Variants in GPRIN2 observed in about 807,000 individuals in gnomAD.
GPRIN2 encodes G protein-regulated inducer of neurite outgrowth 2.
A neutral mutation model predicts 0.3 loss-of-function variants in GPRIN2; 1 was observed. The observed-to-expected ratio is 3.90, with a 90% CI of 1.39 to 18.51. The LOEUF (loss-of-function observed/expected upper bound fraction) is 18.51. Among genes scored for constraint, GPRIN2 ranks in the 30% most tolerant of loss-of-function variants. The pLI, the probability that GPRIN2 is intolerant of heterozygous loss-of-function variation, is 0.11. For synonymous variants in GPRIN2, 361 were observed against 258.6 expected (o/e 1.40, Z -3.80); for missense variants, 880 against 604.2 (o/e 1.46, Z -4.79).
Position 46,550,350 on chromosome 10 carries a change from C to G in GPRIN2, c.387G>C (p.Gln129His), listed in dbSNP as rs1832397198. Reference sequence around the variant, plus strand: ...TCCGAGCACCACTGTGTCCCCGCATCTGGGTGCTACGGACCAGGTCTGAAT... The same window carrying G: ...TCCGAGCACCACTGTGTCCCCGCATGTGGGTGCTACGGACCAGGTCTGAAT... ...RSHSDLVRST[Q>H]MRGHSGARKA... The change falls in exon 3 of 3, where the codon CAG becomes CAC. Residue 129 changes from glutamine to histidine, a missense_variant. Gln to His is a conservative substitution (Grantham distance 24). Transcript: ENST00000374314. The G allele has an allele frequency of 9.9e-6, 16 of 1,612,858 alleles. No homozygotes were observed. The highest frequency in any genetic ancestry group is 1.3e-5 in the Non-Finnish European group (15 of 1,179,936).
In GPRIN2 at chr10:46,543,515, C is replaced by G. The variant is rs1208077320; in HGVS notation, c.*5845G>C. ...TGGCTGTGTGCACACAGAGGTGCTGCAGTCCTGGGGCCATGTTCATAGGAT... is the reference window on the plus strand; with the variant it reads ...TGGCTGTGTGCACACAGAGGTGCTGGAGTCCTGGGGCCATGTTCATAGGAT... On this transcript the variant is annotated 3_prime_UTR_variant, in exon 3 of 3. Coordinates refer to ENST00000374314, the MANE Select transcript of GPRIN2 (RefSeq NM_001385282.1). 4.6e-5 allele frequency among the ~76,000 whole-genome samples: 7 copies of G among 152,306 alleles called. No homozygotes were observed. The highest frequency in any genetic ancestry group is 8.8e-5 in the Non-Finnish European group (6 of 68,054).
rs1230908803 is a variant in GPRIN2, at chr10:46,542,273, T to C, written c.*7087A>G. 2.0e-5 allele frequency among the ~76,000 whole-genome samples: 3 copies of C among 152,308 alleles called. No homozygotes were observed. The highest frequency in any genetic ancestry group is 7.2e-5 in the African/African-American group (3 of 41,484). ...TCCAGCCCCAACAGAGGCTCCCTGC[T>C]TGGGCCTTGCTCAGGCCTGGGAGGG... is the stretch of plus-strand genomic sequence containing the variant. On this transcript the variant is annotated 3_prime_UTR_variant, in exon 3 of 3. Coordinates refer to ENST00000374314, the MANE Select transcript of GPRIN2 (RefSeq NM_001385282.1).
In GPRIN2 at chr10:46,545,738, G is replaced by C. The variant is rs1226016528; in HGVS notation, c.*3622C>G. Among the ~76,000 whole-genome samples, 1 of 152,310 alleles carries C rather than the reference G, an allele frequency of 6.6e-6. No homozygotes were observed. Among genetic ancestry groups the C allele is most frequent in the South Asian group, 2.1e-4 (1 of 4,838 alleles). On this transcript the variant is annotated 3_prime_UTR_variant, in exon 3 of 3. Coordinates refer to ENST00000374314, the MANE Select transcript of GPRIN2 (RefSeq NM_001385282.1). ...TGGCCCCTGAATGTGGCTATGAGAG[G>C]GGTGCCCAACACTACCAGCCTGTGT...
Position 46,543,827 on chromosome 10 carries a change from A to G in GPRIN2, c.*5533T>C, listed in dbSNP as rs1555011456. On this transcript the variant is annotated 3_prime_UTR_variant, in exon 3 of 3. Transcript: ENST00000374314. ...TGGGCTATCTCGGGCTTGGAGTGGGAGAAGCCAGGCAGGAGTCCTGGAGAG... is the reference window on the plus strand; with the variant it reads ...TGGGCTATCTCGGGCTTGGAGTGGGGGAAGCCAGGCAGGAGTCCTGGAGAG... Among the ~76,000 whole-genome samples the G allele has an allele frequency of 6.6e-6, 1 of 152,308 alleles. No individual in the cohort carries two copies. The highest frequency in any genetic ancestry group is 2.4e-5 in the African/African-American group (1 of 41,486).
chr10:46,549,240 T>A lies in GPRIN2; in HGVS notation c.*120A>T, dbSNP rs1842430415. ...TCCTGTGGTCTGGAGGCAGCCAATA[T>A]TCAGGTGAGAGATGTGCCCAGCTGC... On this transcript the variant is annotated 3_prime_UTR_variant, in exon 3 of 3. Transcript: ENST00000374314. The A allele has an allele frequency of 2.3e-6, 3 of 1,304,002 alleles. No individual in the cohort carries two copies. The highest frequency in any genetic ancestry group is 1.5e-5 in the African/African-American group (1 of 65,896). The allele number at this position is 1,304,002 out of a possible 1,614,324, so 80.8% of individuals were successfully genotyped here.
Position 46,550,101 on chromosome 10 carries a change from C to T in GPRIN2, c.636G>A (p.Gln212=), listed in dbSNP as rs1555018996. Residue 212 remains glutamine (Q), a synonymous_variant, in exon 3 of 3, where the codon CAG becomes CAA. Coordinates refer to ENST00000374314, the MANE Select transcript of GPRIN2 (RefSeq NM_001385282.1). The part of the protein sequence containing the change: ...GDTTAHSSSA[Q]AEPKAAEQLA... ...GCTGTTCAGCAGCTTTGGGCTCAGC[C>T]TGGGCACTGCTGCTGTGGGCAGTTG... 5 of 1,612,102 alleles carry T rather than the reference C, an allele frequency of 3.1e-6. No individual in the cohort carries two copies. The highest frequency in any genetic ancestry group is 3.4e-6 in the Non-Finnish European group (4 of 1,179,312).
chr10:46,548,481 G>A lies in GPRIN2; in HGVS notation c.*879C>T, dbSNP rs970840506. On this transcript the variant is annotated 3_prime_UTR_variant, in exon 3 of 3. Coordinates refer to ENST00000374314, the MANE Select transcript of GPRIN2 (RefSeq NM_001385282.1). ...GTGCAATTTTAGGCTTTGTAACTGAGATTAGGGCAGGTGGCCACCCATTCT... is the reference window on the plus strand; with the variant it reads ...GTGCAATTTTAGGCTTTGTAACTGAAATTAGGGCAGGTGGCCACCCATTCT... Among the ~76,000 whole-genome samples the A allele has an allele frequency of 6.6e-6, 1 of 152,310 alleles. No homozygotes were observed. The highest frequency in any genetic ancestry group is 2.4e-5 in the African/African-American group (1 of 41,488).
intron 1 of GPRIN2, chr10:46,555,679 G>A (rs1307306024): frequency 1.3e-5 from 2 of 153,688 alleles, no homozygotes; most frequent in Non-Finnish European, 1.4e-5. Flanking sequence ...TGCTCACCAG[G>A]AAGAGGCCTA....
rs1367663885 is a variant in GPRIN2, at chr10:46,545,686, T to A, written c.*3674A>T. ...TAAGGAAGTGGGATGTGGGCTGTGA[T>A]CACAGCCAAGCTGGCAGGGTAAGAG... On this transcript the variant is annotated 3_prime_UTR_variant, in exon 3 of 3. Transcript: ENST00000374314. 6.6e-6 allele frequency among the ~76,000 whole-genome samples: 1 copy of A among 152,310 alleles called. No homozygotes were observed. Among genetic ancestry groups the A allele is most frequent in the African/African-American group, 2.4e-5 (1 of 41,488 alleles).
chr10:46,549,763 G>A lies in GPRIN2; in HGVS notation c.974C>T (p.Ala325Val). The change falls in exon 3 of 3, where the codon GCA (alanine) becomes GTA (valine). Residue 325 changes from alanine (A) to valine (V), a missense_variant. Coordinates refer to ENST00000374314, the MANE Select transcript of GPRIN2 (RefSeq NM_001385282.1). The part of the protein sequence containing the change: ...TMTSANDLAP[A>V]EASPLSAQDA... ...CTGGGCTGACAGCGGGGATGCCTCTGCAGGGGCCAAGTCATTGGCTGAGGT... is the reference window on the plus strand; with the variant it reads ...CTGGGCTGACAGCGGGGATGCCTCTACAGGGGCCAAGTCATTGGCTGAGGT... 4 of 1,614,186 alleles carry A rather than the reference G, an allele frequency of 2.5e-6. No individual in the cohort carries two copies. Among genetic ancestry groups the A allele is most frequent in the East Asian group, 2.2e-5 (1 of 44,894 alleles).
chr10:46,555,015 C>T (rs1467971089), intron 1 of GPRIN2, among the ~76,000 whole-genome samples: 3 of 152,426 alleles, frequency 2.0e-5, no homozygotes, highest in Non-Finnish European at 2.9e-5. Flanking sequence ...GGCTCAGTCT[C>T]GGCTCACTGC....
Position 46,544,605 on chromosome 10 carries a change from T to A in GPRIN2, c.*4755A>T. Among the ~76,000 whole-genome samples the A allele has an allele frequency of 6.6e-6, 1 of 152,422 alleles. No individual in the cohort carries two copies. Among genetic ancestry groups the A allele is most frequent in the East Asian group, 1.9e-4 (1 of 5,192 alleles). On this transcript the variant is annotated 3_prime_UTR_variant, in exon 3 of 3. Transcript: ENST00000374314. Reference sequence around the variant, plus strand: ...TCCCAAAGTGCTGGGATTACAGGCATGAGCCACTGTACCAGGCTGAGTCCA... The same window carrying A: ...TCCCAAAGTGCTGGGATTACAGGCAAGAGCCACTGTACCAGGCTGAGTCCA...
chr10:46,550,073 C>A lies in GPRIN2; in HGVS notation c.664G>T (p.Ala222Ser), dbSNP rs1832492461. ...GGCAGAGCATGGCAGGTGGTGGTAG[C>A]CAGCTGTTCAGCAGCTTTGGGCTCA... is the stretch of plus-strand genomic sequence containing the variant. ...QAEPKAAEQLATTTCHALPPA... is the reference protein window; with the variant it reads ...QAEPKAAEQLSTTTCHALPPA... Residue 222 changes from alanine (A) to serine (S), a missense_variant, in exon 3 of 3, where the codon GCT (alanine) becomes TCT (serine). Ala to Ser is a moderately conservative substitution (Grantham distance 99). Transcript: ENST00000374314. 2.5e-6 allele frequency: 4 copies of A among 1,613,664 alleles called. No individual in the cohort carries two copies. The highest frequency in any genetic ancestry group is 3.4e-6 in the Non-Finnish European group (4 of 1,179,968).
rs1199318704 is a variant in GPRIN2 at position 46,550,373 on chromosome 10, A to G, written c.364T>C (p.Ser122Pro). 1 of 1,612,546 alleles carries G rather than the reference A, an allele frequency of 6.2e-7. No individual in the cohort carries two copies. Among genetic ancestry groups the G allele is most frequent in the Non-Finnish European group, 8.5e-7 (1 of 1,179,838 alleles). The change falls in exon 3 of 3, where the codon TCA becomes CCA. Residue 122 changes from serine (S) to proline (P), a missense_variant. Coordinates refer to ENST00000374314, the MANE Select transcript of GPRIN2 (RefSeq NM_001385282.1). Reference sequence around the variant, plus strand: ...ATCTGGGTGCTACGGACCAGGTCTGAATGGCTCCTCTGCATAGCAGCAGCA... The same window carrying G: ...ATCTGGGTGCTACGGACCAGGTCTGGATGGCTCCTCTGCATAGCAGCAGCA... ...PSAAAMQRSH[S>P]DLVRSTQMRG...
Position 46,545,585 on chromosome 10 carries a change from C to G in GPRIN2, c.*3775G>C, listed in dbSNP as rs1339679032. 1.3e-5 allele frequency among the ~76,000 whole-genome samples: 2 copies of G among 152,312 alleles called. No individual in the cohort carries two copies. The highest frequency in any genetic ancestry group is 4.8e-5 in the African/African-American group (2 of 41,488). ...GAACTACATTTTCAGAAGCCCCAGCCAGAGGGCCAAGTCCCAGGCAGGGTG... is the reference window on the plus strand; with the variant it reads ...GAACTACATTTTCAGAAGCCCCAGCGAGAGGGCCAAGTCCCAGGCAGGGTG... On this transcript the variant is annotated 3_prime_UTR_variant, in exon 3 of 3. Transcript: ENST00000374314.
In GPRIN2 at chr10:46,551,766, T is replaced by G. The variant is rs1832162149; in HGVS notation, c.-6-1024A>C. The stretch of plus-strand genomic sequence containing the variant: ...CCTGGCAGCTGCAGCCTAGAGCCAG[T>G]TCTGGCCCTTTCCACTTCTGCATCT... On this transcript the variant is annotated intron_variant, in intron 2 of 2. Transcript: ENST00000374314. 2.6e-5 allele frequency among the ~76,000 whole-genome samples: 4 copies of G among 152,430 alleles called. No individual in the cohort carries two copies. In the South Asian group the frequency reaches 8.3e-4, roughly 32 times the overall value.
Position 46,546,542 on chromosome 10 carries a change from T to TC in GPRIN2, c.*2817dup, listed in dbSNP as rs1187284693. 1.3e-5 allele frequency among the ~76,000 whole-genome samples: 2 copies of TC among 152,310 alleles called. No homozygotes were observed. The highest frequency in any genetic ancestry group is 6.5e-5 in the Admixed American group (1 of 15,294). On this transcript the variant is annotated 3_prime_UTR_variant, in exon 3 of 3. Transcript: ENST00000374314. ...CCAAACAAACACATCAACAGTGAAC[T>TC]CCAACACCTCCCAGAGCAGGGCCTG...
rs1555011555 is a variant in GPRIN2, at chr10:46,543,962, G to GCTT, written c.*5397_*5398insAAG. On this transcript the variant is annotated 3_prime_UTR_variant, in exon 3 of 3. Transcript: ENST00000374314. ...GGCCCACGTCACTTTGGTTTCGCTTGTTTTTTTTTTTAGTAAACATCAGCT... is the reference window on the plus strand; with the variant it reads ...GGCCCACGTCACTTTGGTTTCGCTTGCTTTTTTTTTTTTTAGTAAACATCAGCT... Among the ~76,000 whole-genome samples the GCTT allele has an allele frequency of 6.6e-6, 1 of 151,928 alleles. No homozygotes were observed. Among genetic ancestry groups the GCTT allele is most frequent in the African/African-American group, 2.4e-5 (1 of 41,308 alleles).
chr10:46,550,403 G>A lies in GPRIN2; in HGVS notation c.334C>T (p.Pro112Ser). The A allele has an allele frequency of 1.2e-6, 2 of 1,611,912 alleles. No homozygotes were observed. The highest frequency in any genetic ancestry group is 8.5e-7 in the Non-Finnish European group (1 of 1,179,630). Residue 112 changes from proline (P) to serine (S), a missense_variant, in exon 3 of 3, where the codon CCT becomes TCT. Pro to Ser is a moderately conservative substitution (Grantham distance 74). Transcript: ENST00000374314. ...GGSDLCRLRA[P>S]SAAAMQRSHS... ...CTCCTCTGCATAGCAGCAGCACTAG[G>A]GGCCCGCAGGCGACACAGGTCACTG...
Sources: gnomAD v4.1 joint callset for allele counts (sites outside exome capture counted in the v4.1 genomes callset) on GRCh38, gnomAD v4.1.1 for gene constraint, MANE v1.5 for transcripts, NCBI Gene and HGNC (gene_info 2026-07-23, HGNC 2026-07-21) for gene names.